The following TMEM74 variants were observed in gnomAD, a reference collection of about 807,000 sequenced individuals.
TMEM74 encodes transmembrane protein 74.
Under a neutral mutation model 18.1 loss-of-function variants are expected in TMEM74, and 13 were observed. The ratio of observed to expected loss-of-function variants is 0.72; its 90% CI spans 0.47 to 1.14. TMEM74 has a LOEUF of 1.14. Among genes scored for constraint, TMEM74 ranks in the 50% most tolerant of loss-of-function variants. The pLI is 0.00. For missense variants in TMEM74, 372 were observed against 375.9 expected, an observed-to-expected ratio of 0.99 and a Z score of 0.09; for synonymous variants, 159 against 146.6, an observed-to-expected ratio of 1.08 and a Z score of -0.61.
At chr8:108,666,787 C>G (rs996386971) in intron 1 of TMEM74, among the ~76,000 whole-genome samples, 1 of 152,042 alleles carries the variant, frequency 6.6e-6, no homozygotes, top group Non-Finnish European at 1.5e-5. Context: ...AACTAACCGA[C>G]CAGACAGAAT....
At chr8:108,680,577 C>A (rs1055383327) in intron 1 of TMEM74, among the ~76,000 whole-genome samples, 11 of 152,072 alleles carry the variant, frequency 7.2e-5, no homozygotes, top group South Asian at 2.1e-4. Context: ...ATGGGCAAAA[C>A]CTGGAAGCAT....
At chr8:108,718,487 C>T (rs1813551930) in intron 1 of TMEM74, among the ~76,000 whole-genome samples, 1 of 152,150 alleles carries the variant, frequency 6.6e-6, no homozygotes, top group Non-Finnish European at 1.5e-5. Flanking sequence ...AAGCCAGCAG[C>T]TGGCTGATAG....
intron 1 of TMEM74, among the ~76,000 whole-genome samples, chr8:108,667,647 C>G (rs1001280607): frequency 4.6e-5 from 7 of 152,114 alleles, no homozygotes; most frequent in African/African-American, 1.7e-4. Flanking sequence ...AAATTATAGA[C>G]TGGTAAAATT....
chr8:108,729,691 T>C (rs1025897387), intron 1 of TMEM74, among the ~76,000 whole-genome samples: 1 of 152,368 alleles, frequency 6.6e-6, no homozygotes, highest in South Asian at 2.1e-4. Context: ...ATTTCCTAAA[T>C]ATCATTCATT....
chr8:108,756,643 A>AAGG lies in TMEM74; in HGVS notation n.119+30832_119+30833insCCT, dbSNP rs1563543724. On this transcript the variant is annotated intron_variant and non_coding_transcript_variant, in intron 1 of 3. Transcript: ENST00000518838. ...GGAAGGAAGGAAGGAAGGAAGGAAG[A>AAGG]AAGAAAGAGAAAGAAAGAAAGAAAG... Among the ~76,000 whole-genome samples the AAGG allele has an allele frequency of 3.9e-4, 19 of 49,052 alleles. 1 individual carries two copies. Among genetic ancestry groups the AAGG allele is most frequent in the East Asian group, 3.2e-3 (4 of 1,266 alleles). The allele number at this position is 49,052 out of a possible 152,430, so 32.2% of individuals were successfully genotyped here.
intron 1 of TMEM74, among the ~76,000 whole-genome samples, chr8:108,732,875 T>TA (rs542132271): frequency 1.3e-5 from 2 of 151,444 alleles, no homozygotes; most frequent in South Asian, 2.1e-4. Flanking sequence ...TTTAATTGTC[T>TA]AAAAAAAATG....
At chr8:108,688,029 A>T (rs886161549) in intron 1 of TMEM74, among the ~76,000 whole-genome samples, 6 of 152,226 alleles carry the variant, frequency 3.9e-5, no homozygotes, top group Non-Finnish European at 5.9e-5. Flanking sequence ...GAAAATATAA[A>T]TGACTAGCAT....
chr8:108,638,588 G>A (rs927307170), intron 2 of TMEM74, among the ~76,000 whole-genome samples: 5 of 148,964 alleles, frequency 3.4e-5, no homozygotes, highest in Non-Finnish European at 5.9e-5. Context: ...AAAGTTTATC[G>A]GGAATAAGTA....
At chr8:108,767,830 T>G (rs1263528344) in intron 1 of TMEM74, among the ~76,000 whole-genome samples, 1 of 152,166 alleles carries the variant, frequency 6.6e-6, no homozygotes, top group Non-Finnish European at 1.5e-5. Context: ...ACATCAATTC[T>G]TTTTGAAACA....
intron 2 of TMEM74, among the ~76,000 whole-genome samples, chr8:108,631,737 C>A (rs1045898124): frequency 2.6e-5 from 4 of 151,966 alleles, no homozygotes; most frequent in African/African-American, 9.7e-5. Flanking sequence ...TCAACTTTTG[C>A]TTTTGTTGCG....
intron 1 of TMEM74, among the ~76,000 whole-genome samples, chr8:108,671,343 T>C (rs77902239): frequency 0.013 from 2,000 of 152,274 alleles, 100 homozygotes; most frequent in Admixed American, 0.096. Flanking sequence ...TTTGCCACAT[T>C]GCCCATGGAG....
intron 1 of TMEM74, among the ~76,000 whole-genome samples, chr8:108,747,210 C>T (rs1478714131): frequency 6.6e-6 from 1 of 151,888 alleles, no homozygotes; most frequent in Non-Finnish European, 1.5e-5. Flanking sequence ...AATTTTGGGA[C>T]ACCCAGCTGA....
intron 2 of TMEM74, chr8:108,652,535 C>G (rs1812784882): frequency 1.9e-6 from 1 of 523,580 alleles, no homozygotes; most frequent in African/African-American, 1.9e-5. Context: ...CAGGATGGTG[C>G]TCATTCTCAA....
chr8:108,725,203 C>T (rs1813624665), intron 1 of TMEM74, among the ~76,000 whole-genome samples: 1 of 152,198 alleles, frequency 6.6e-6, no homozygotes, highest in South Asian at 2.1e-4. Context: ...GTTGCCTAAT[C>T]CAGATAGTTC....
rs1439767806 is a variant in TMEM74 at position 108,768,169 on chromosome 8, T to C, written n.119+19307A>G. ...CACAGACCTCAAACTCAACATATCC[T>C]TCCCATTAAATCTTGTGCTTTTTCC... On this transcript the variant is annotated intron_variant and non_coding_transcript_variant, in intron 1 of 3. Transcript: ENST00000518838. Among the ~76,000 whole-genome samples the C allele has an allele frequency of 2.6e-5, 4 of 152,146 alleles. No homozygotes were observed. In the East Asian group the frequency reaches 7.7e-4, roughly 29 times the overall value.
intron 1 of TMEM74, among the ~76,000 whole-genome samples, chr8:108,697,907 A>C (rs1813296451): frequency 1.3e-5 from 2 of 152,062 alleles, no homozygotes; most frequent in Non-Finnish European, 2.9e-5. Context: ...ATATCAACTG[A>C]GTTGCTTAAA....
chr8:108,699,205 C>T, intron 1 of TMEM74, among the ~76,000 whole-genome samples: 1 of 142,436 alleles, frequency 7.0e-6, no homozygotes, highest in African/African-American at 2.6e-5. Flanking sequence ...CCCTCCCTCC[C>T]TCCCTCTCTC....
intron 2 of TMEM74, among the ~76,000 whole-genome samples, chr8:108,652,003 A>G (rs998917029): frequency 1.3e-5 from 2 of 151,872 alleles, no homozygotes; most frequent in Non-Finnish European, 2.9e-5. Flanking sequence ...CTAACTACTT[A>G]AAATCATGCC....
At chr8:108,656,101 G>T (rs549040885) in intron 1 of TMEM74, among the ~76,000 whole-genome samples, 1 of 152,130 alleles carries the variant, frequency 6.6e-6, no homozygotes, top group Non-Finnish European at 1.5e-5. Context: ...CCCTCTCAGC[G>T]GTTTACTTTC....
Sources: allele counts gnomAD v4.1 joint callset (sites outside exome capture counted in the v4.1 genomes callset), GRCh38; gene constraint gnomAD v4.1.1; transcripts MANE v1.5; gene names NCBI Gene and HGNC (gene_info 2026-07-23, HGNC 2026-07-21).